The following HERC6 variants were observed in gnomAD, a reference collection of about 807,000 sequenced individuals.
HERC6 encodes HECT and RLD domain containing E3 ubiquitin protein ligase family member 6, also known as probable E3 ubiquitin-protein ligase HERC6.
Under a neutral mutation model 114.5 loss-of-function variants are expected in HERC6, and 101 were observed. The ratio of observed to expected loss-of-function variants is 0.88; its 90% CI spans 0.75 to 1.04. The LOEUF (loss-of-function observed/expected upper bound fraction) is 1.04, where lower values mean the gene tolerates loss of function less well. HERC6 is among the 50% of genes least tolerant of loss of function. The pLI is 0.00. For synonymous variants in HERC6, 408 were observed against 436.2 expected (o/e 0.94, Z 0.81); for missense variants, 1,133 against 1,230.9 (o/e 0.92, Z 1.19).
chr4:88,429,809 T>C (rs1379919146), intron 16 of HERC6, among the ~76,000 whole-genome samples: 1 of 152,226 alleles, frequency 6.6e-6, no homozygotes, highest in East Asian at 1.9e-4. Flanking sequence ...CCTTCATACC[T>C]ATTTTTCTTT....
chr4:88,390,029 A>G (rs1734809365), intron 3 of HERC6, among the ~76,000 whole-genome samples: 1 of 151,982 alleles, frequency 6.6e-6, no homozygotes, highest in Non-Finnish European at 1.5e-5. Flanking sequence ...AAGCACAAAA[A>G]TTAGCCGGGC....
chr4:88,396,771 A>G lies in HERC6; in HGVS notation c.888-80A>G. On this transcript the variant is annotated intron_variant, in intron 6 of 22. Coordinates refer to ENST00000264346, the MANE Select transcript of HERC6 (RefSeq NM_017912.4). ...GTAAATTGGGCTTTTTGTGTTTGTT[A>G]TTTTGTCTTAAGGGACATCATCTTT... 3 of 1,302,300 alleles carry G rather than the reference A, an allele frequency of 2.3e-6. No individual in the cohort carries two copies. The East Asian group carries it at 7.9e-5, about 34-fold the overall frequency. The allele number at this position is 1,302,300 out of a possible 1,614,324, so 80.7% of individuals were successfully genotyped here.
chr4:88,386,347 A>G (rs1734581227), intron 3 of HERC6, among the ~76,000 whole-genome samples: 2 of 151,862 alleles, frequency 1.3e-5, no homozygotes, highest in Non-Finnish European at 2.9e-5. Context: ...CTGGGATCAC[A>G]GGTGTGCGCC....
chr4:88,380,216 AT>A (rs1734174111), intron 1 of HERC6, among the ~76,000 whole-genome samples: 1 of 82,050 alleles, frequency 1.2e-5, no homozygotes, highest in African/African-American at 5.3e-5. Context: ...TATATAATAT[AT>A]AAATATATAA....
intron 4 of HERC6, 137 bp downstream of exon 4, chr4:88,391,016 A>G (rs997568118): frequency 1.5e-6 from 1 of 676,078 alleles, no homozygotes; most frequent in Admixed American, 3.0e-5. Context: ...AGGGAGCTAT[A>G]TTAGTTTCTT....
intron 16 of HERC6, among the ~76,000 whole-genome samples, chr4:88,430,912 G>C (rs776472357): frequency 6.6e-6 from 1 of 152,152 alleles, no homozygotes; most frequent in Admixed American, 6.5e-5. Flanking sequence ...GCTAAGTCTT[G>C]CTAGAGTCCC....
rs758011615 is a variant in HERC6 at position 88,435,718 on chromosome 4, T to C, written c.2251-7T>C. 6 of 1,472,152 alleles carry C rather than the reference T, an allele frequency of 4.1e-6. No homozygotes were observed. The African/African-American group carries it at 7.1e-5, about 18-fold the overall frequency. 91.2% of individuals were successfully genotyped at this position (1,472,152 alleles called of 1,614,324 possible). ...AATACCTTAGGGATTTTTTTCTTCT[T>C]TTCTAGCCTAAACCTGAGAAGAAAA... On this transcript the variant is annotated splice_polypyrimidine_tract_variant and splice_region_variant and intron_variant, in intron 17 of 22. Transcript: ENST00000264346.
intron 4 of HERC6, among the ~76,000 whole-genome samples, chr4:88,392,091 C>CCCCTTCT (rs1401428984): frequency 2.2e-5 from 2 of 91,014 alleles, no homozygotes; most frequent in Non-Finnish European, 2.3e-5. Context: ...ACTCCCCCCT[C>CCCCTTCT]CCCTTCTCCC....
chr4:88,379,243 A>G, intron 1 of HERC6, 123 bp downstream of exon 1: 3 of 763,230 alleles, frequency 3.9e-6, no homozygotes, highest in Non-Finnish European at 4.0e-6. Context: ...GCGGGGGCCC[A>G]GGTGCAGGGA....
chr4:88,429,648 G>A (rs1011015442), intron 16 of HERC6, among the ~76,000 whole-genome samples: 2 of 152,126 alleles, frequency 1.3e-5, no homozygotes, highest in Admixed American at 6.5e-5. Context: ...GGATTTTCTC[G>A]ATGTCAGCCA....
At chr4:88,411,332 T>C (rs765883717) in intron 11 of HERC6, among the ~76,000 whole-genome samples, 1 of 152,178 alleles carries the variant, frequency 6.6e-6, no homozygotes. Flanking sequence ...AGTCATGATA[T>C]GCGCATTAGG....
At chr4:88,392,440 T>C (rs1043885424) in intron 4 of HERC6, among the ~76,000 whole-genome samples, 1 of 152,030 alleles carries the variant, frequency 6.6e-6, no homozygotes, top group Non-Finnish European at 1.5e-5. Context: ...TCCACCCGCC[T>C]CAACCTCCCA....
rs1371779427 is a variant in HERC6 at position 88,422,398 on chromosome 4, T to C, written c.1714-1462T>C. 2.0e-5 allele frequency among the ~76,000 whole-genome samples: 3 copies of C among 152,202 alleles called. No individual in the cohort carries two copies. The East Asian group carries it at 5.8e-4, about 29-fold the overall frequency. On this transcript the variant is annotated intron_variant, in intron 13 of 22. Coordinates refer to ENST00000264346, the MANE Select transcript of HERC6 (RefSeq NM_017912.4). ...GGGAAAACCTTAACATCCAGTTTTA[T>C]GTTTTGCTGTGGGATTTTTGTAGAT...
intron 4 of HERC6, among the ~76,000 whole-genome samples, chr4:88,392,042 C>G (rs1578374757): frequency 1.8e-5 from 1 of 55,680 alleles, no homozygotes; most frequent in African/African-American, 7.2e-5. Context: ...TTCTCTCCCT[C>G]CCTCCCCTCC....
rs532676335 is a variant in HERC6 at position 88,418,547 on chromosome 4, T to G, written c.1713+968T>G. ...CTACAGTGTTTGAGCCATGAGAATG[T>G]TTTTCTTGGTAGGTTCTCAGATACT... On this transcript the variant is annotated intron_variant, in intron 13 of 22. Coordinates refer to ENST00000264346, the MANE Select transcript of HERC6 (RefSeq NM_017912.4). Among the ~76,000 whole-genome samples the G allele has an allele frequency of 2.0e-5, 3 of 152,266 alleles. No homozygotes were observed. The East Asian group carries it at 5.8e-4, about 29-fold the overall frequency.
intron 1 of HERC6, among the ~76,000 whole-genome samples, 151 bp downstream of exon 1, chr4:88,379,271 C>A (rs985791887): frequency 1.2e-4 from 18 of 152,034 alleles, no homozygotes; most frequent in Non-Finnish European, 2.4e-4. Flanking sequence ...AGATGCTGGG[C>A]GCCGCGGGCC....
At chr4:88,401,905 C>G (rs965388946) in intron 8 of HERC6, among the ~76,000 whole-genome samples, 1 of 152,126 alleles carries the variant, frequency 6.6e-6, no homozygotes, top group Non-Finnish European at 1.5e-5. Context: ...AGCTTTCTCC[C>G]GTGATGTTAG....
intron 1 of HERC6, among the ~76,000 whole-genome samples, chr4:88,381,456 T>C (rs1045333896): frequency 6.6e-6 from 1 of 151,920 alleles, no homozygotes; most frequent in Non-Finnish European, 1.5e-5. Flanking sequence ...CTAGAAAATA[T>C]ATGGGAAAAT....
intron 16 of HERC6, among the ~76,000 whole-genome samples, chr4:88,429,491 G>A (rs1737972091): frequency 6.6e-6 from 1 of 152,208 alleles, no homozygotes; most frequent in South Asian, 2.1e-4. Flanking sequence ...CACTATATGA[G>A]TTTCAATGCT....
Sources: gnomAD v4.1 joint callset for allele counts (sites outside exome capture counted in the v4.1 genomes callset) on GRCh38, gnomAD v4.1.1 for gene constraint, MANE v1.5 for transcripts, NCBI Gene and HGNC (gene_info 2026-07-23, HGNC 2026-07-21) for gene names.